CNBD1: variants seen among roughly 807,000 people sequenced by gnomAD.
CNBD1 encodes the protein cyclic nucleotide-binding domain-containing protein 1.
A neutral mutation model predicts 54.4 loss-of-function variants in CNBD1; 71 were observed. That is an observed-to-expected ratio of 1.30 (90% CI 1.08 to 1.59). The LOEUF (loss-of-function observed/expected upper bound fraction) is 1.59, where lower values mean the gene tolerates loss of function less well. Ranked by LOEUF, CNBD1 falls within the 40% of genes most tolerant of loss-of-function variation. CNBD1 has a pLI of 0.00. For synonymous variants in CNBD1, 182 were observed against 170.7 expected (o/e 1.07, Z -0.51); for missense variants, 659 against 518.0 (o/e 1.27, Z -2.64).
At chr8:86,921,477 A>C (rs749512063) in intron 3 of CNBD1, among the ~76,000 whole-genome samples, 44 of 152,224 alleles carry the variant, frequency 2.9e-4, no homozygotes, top group Non-Finnish European at 5.1e-4. Context: ...TAATAAAGAC[A>C]CAACTGAGAC....
At chr8:87,343,411 T>A (rs998523519) in intron 8 of CNBD1, among the ~76,000 whole-genome samples, 1 of 152,224 alleles carries the variant, frequency 6.6e-6, no homozygotes, top group Non-Finnish European at 1.5e-5. Context: ...TAAGAAATTA[T>A]TAAAGTATTA....
chr8:87,030,064 AATT>A (rs1262081105), intron 4 of CNBD1, among the ~76,000 whole-genome samples: 1 of 152,208 alleles, frequency 6.6e-6, no homozygotes, highest in Non-Finnish European at 1.5e-5. Flanking sequence ...CAGTTTTCAA[AATT>A]ATTGTAATCA....
intron 5 of CNBD1, among the ~76,000 whole-genome samples, chr8:87,221,469 C>A (rs1238378285): frequency 6.6e-6 from 1 of 152,000 alleles, no homozygotes; most frequent in Non-Finnish European, 1.5e-5. Flanking sequence ...ATTTGATTTC[C>A]TACTATACAA....
At chr8:87,230,106 G>C (rs1363461941) in intron 5 of CNBD1, among the ~76,000 whole-genome samples, 1 of 152,144 alleles carries the variant, frequency 6.6e-6, no homozygotes, top group South Asian at 2.1e-4. Context: ...ATATAGCTGA[G>C]AGCAGGAGGA....
chr8:87,159,466 C>G (rs1364013882), intron 4 of CNBD1, among the ~76,000 whole-genome samples: 1 of 151,988 alleles, frequency 6.6e-6, no homozygotes, highest in Non-Finnish European at 1.5e-5. Context: ...AGAGCTCTTG[C>G]GATAGCTCCT....
intron 4 of CNBD1, among the ~76,000 whole-genome samples, chr8:87,205,505 T>G (rs559589315): frequency 2.2e-4 from 33 of 152,334 alleles, no homozygotes; most frequent in African/African-American, 7.7e-4. Context: ...CATTTAAAAG[T>G]ACATACGTAT....
chr8:87,265,011 C>A (rs1296770631), intron 6 of CNBD1, among the ~76,000 whole-genome samples: 1 of 152,090 alleles, frequency 6.6e-6, no homozygotes, highest in African/African-American at 2.4e-5. Context: ...TTAATTAGAT[C>A]CCCTTTGTCA....
At chr8:87,378,924 T>A (rs979283561) in intron 10 of CNBD1, among the ~76,000 whole-genome samples, 12 of 149,566 alleles carry the variant, frequency 8.0e-5, no homozygotes, top group East Asian at 1.9e-4. Context: ...CAATTGTGAA[T>A]GGGAGTTCAC....
intron 4 of CNBD1, among the ~76,000 whole-genome samples, chr8:87,147,079 A>G (rs1032603787): frequency 2.6e-5 from 4 of 151,754 alleles, no homozygotes; most frequent in African/African-American, 7.3e-5. Context: ...CCTTCTTTCA[A>G]TTCTCTCCCT....
intron 4 of CNBD1, among the ~76,000 whole-genome samples, chr8:86,970,098 A>T (rs924570131): frequency 2.0e-5 from 3 of 152,048 alleles, no homozygotes; most frequent in Non-Finnish European, 4.4e-5. Context: ...ATTTTTATTT[A>T]CAACTATATG....
chr8:86,938,865 A>C (rs1045182643), intron 3 of CNBD1, among the ~76,000 whole-genome samples: 2 of 152,220 alleles, frequency 1.3e-5, no homozygotes, highest in Non-Finnish European at 2.9e-5. Flanking sequence ...ATAATTTAGT[A>C]TTGCTGTTAT....
chr8:87,023,556 G>T (rs897135001), intron 4 of CNBD1, among the ~76,000 whole-genome samples: 1 of 151,914 alleles, frequency 6.6e-6, no homozygotes, highest in Non-Finnish European at 1.5e-5. Flanking sequence ...CTTATCTGTA[G>T]AGACCCTTAA....
In CNBD1 at chr8:87,094,898, G is replaced by A. The variant is rs1406449405; in HGVS notation, c.432-111095G>A. ...ACTAAAAATACAAAAAATTAGCTGG[G>A]CATGGTGAAAGTCACCTGTAATCCC... On this transcript the variant is annotated intron_variant, in intron 4 of 10. Transcript: ENST00000518476. Among the ~76,000 whole-genome samples the A allele has an allele frequency of 2.6e-5, 4 of 152,166 alleles. No individual in the cohort carries two copies. In the South Asian group the frequency reaches 8.3e-4, roughly 32 times the overall value.
intron 5 of CNBD1, among the ~76,000 whole-genome samples, chr8:87,207,172 C>A (rs1212228637): frequency 1.3e-5 from 2 of 151,994 alleles, no homozygotes; most frequent in East Asian, 1.9e-4. Flanking sequence ...TTCAACATTG[C>A]TTTGCTATTA....
chr8:87,359,931 T>G (rs944636310), intron 10 of CNBD1, among the ~76,000 whole-genome samples: 5 of 152,160 alleles, frequency 3.3e-5, no homozygotes, highest in African/African-American at 1.2e-4. Context: ...TATTAGTTGG[T>G]TATGTTGCCT....
At chr8:86,952,769 G>A in intron 4 of CNBD1, among the ~76,000 whole-genome samples, 1 of 152,144 alleles carries the variant, frequency 6.6e-6, no homozygotes, top group Non-Finnish European at 1.5e-5. Context: ...TTTGACACGT[G>A]TAAATCTGTG....
intron 10 of CNBD1, among the ~76,000 whole-genome samples, chr8:87,358,627 G>A (rs758945777): frequency 9.2e-5 from 14 of 152,086 alleles, no homozygotes; most frequent in Non-Finnish European, 1.6e-4. Flanking sequence ...TATGGGGATT[G>A]GCTAATGTGA....
chr8:87,277,473 G>A (rs1442354984), intron 6 of CNBD1, among the ~76,000 whole-genome samples: 7 of 151,678 alleles, frequency 4.6e-5, no homozygotes, highest in Non-Finnish European at 7.4e-5. Flanking sequence ...TGGACACTCC[G>A]TGATCCAGTC....
intron 8 of CNBD1, among the ~76,000 whole-genome samples, chr8:87,343,979 T>G (rs558327572): frequency 6.6e-6 from 1 of 152,240 alleles, no homozygotes; most frequent in South Asian, 2.1e-4. Context: ...CTCTAACAAC[T>G]TTTTCATGCT....
Sources: gnomAD v4.1 joint callset for allele counts (sites outside exome capture counted in the v4.1 genomes callset) on GRCh38, gnomAD v4.1.1 for gene constraint, MANE v1.5 for transcripts, NCBI Gene and HGNC (gene_info 2026-07-23, HGNC 2026-07-21) for gene names.